The following PRDM6 variants were observed in gnomAD, a reference collection of about 807,000 sequenced individuals.
PRDM6 encodes putative histone-lysine N-methyltransferase PRDM6.
Under a neutral mutation model 60.8 loss-of-function variants are expected in PRDM6, and 25 were observed. The observed-to-expected ratio is 0.41, with a 90% CI of 0.30 to 0.57. PRDM6 has a LOEUF of 0.57. Ranked by LOEUF, PRDM6 falls within the 20% of genes least tolerant of loss-of-function variation. The pLI is 0.27. For missense variants in PRDM6, 839 were observed against 821.3 expected (o/e 1.02, Z -0.26); for synonymous variants, 407 against 357.4 (o/e 1.14, Z -1.57).
rs1256560397 is a variant in PRDM6 at position 123,187,831 on chromosome 5, CT to C, written c.*631del. The stretch of plus-strand genomic sequence containing the variant: ...CAGCCCGGTCTTGATGCAGGAGAGT[CT>C]GGAAAAGGAAGAAAATGGTTTCAGT... On this transcript the variant is annotated 3_prime_UTR_variant, in exon 8 of 8. Coordinates refer to ENST00000407847, the MANE Select transcript of PRDM6 (RefSeq NM_001136239.4). 1.3e-5 allele frequency: 2 copies of C among 152,242 alleles called. No homozygotes were observed. Among genetic ancestry groups the C allele is most frequent in the East Asian group, 3.9e-4 (2 of 5,180 alleles). The allele number at this position is 152,242 out of a possible 1,614,324, so 9.4% of individuals were successfully genotyped here.
At chr5:123,118,385 A>G (rs928095166) in intron 3 of PRDM6, among the ~76,000 whole-genome samples, 5 of 152,202 alleles carry the variant, frequency 3.3e-5, no homozygotes, top group African/African-American at 1.2e-4. Context: ...CTTGAAAACT[A>G]GGTAGAGAGT....
chr5:123,116,458 T>A (rs1235416765), intron 3 of PRDM6, among the ~76,000 whole-genome samples: 11 of 152,190 alleles, frequency 7.2e-5, no homozygotes, highest in Non-Finnish European at 1.5e-5. Context: ...AAGGTAATAT[T>A]AAACTAGTTT....
Position 123,099,623 on chromosome 5 carries a change from C to G in PRDM6, c.593-31C>G. ...CTCGGGGCGGCCGGATTAACCCGCT[C>G]CCTTCCCTTCCTCCTTCTTGTCTCC... On this transcript the variant is annotated intron_variant, in intron 2 of 7. Transcript: ENST00000407847. The surrounding 1 kb of genome is among the most constrained non-coding windows in gnomAD (Gnocchi z 4.0). 7.0e-7 allele frequency: 1 copy of G among 1,436,722 alleles called. No homozygotes were observed. Among genetic ancestry groups the G allele is most frequent in the Non-Finnish European group, 9.2e-7 (1 of 1,091,374 alleles). The allele number at this position is 1,436,722 out of a possible 1,614,324, so 89.0% of individuals were successfully genotyped here. A position where few individuals can be genotyped will look rare whatever the true frequency, so the allele number is the denominator to read the frequency against.
In PRDM6 at chr5:123,187,176, G is replaced by A. The variant is rs74354350; in HGVS notation, c.1763G>A (p.Ser588Asn). The change falls in exon 8 of 8, where the codon AGC (serine) becomes AAC (asparagine). Residue 588 changes from serine to asparagine, a missense_variant. By Grantham distance (46) the Ser-to-Asn change is conservative. Transcript: ENST00000407847. ...AATGAGTGCAAGCCAATAACTGAGA[G>A]CCCAGAATCAATCGAAGTGGATTAA... Reference protein sequence around the residue: ...MPNECKPITESPESIEVD With the variant: ...MPNECKPITENPESIEVD 426 of 1,551,316 alleles carry A rather than the reference G, an allele frequency of 2.7e-4. 3 individuals carry two copies. The East Asian group carries it at 8.4e-3, about 31-fold the overall frequency.
chr5:123,111,480 C>G (rs335187), intron 3 of PRDM6, among the ~76,000 whole-genome samples: 34,303 of 152,144 alleles, frequency 0.23, 4,325 homozygotes, highest in African/African-American at 0.32. Context: ...GGGCGGATCA[C>G]GAGGTCAGGA....
At chr5:123,155,203 A>C (rs532065402) in intron 3 of PRDM6, among the ~76,000 whole-genome samples, 1 of 152,008 alleles carries the variant, frequency 6.6e-6, no homozygotes, top group East Asian at 1.9e-4. Flanking sequence ...AACTCGGTTA[A>C]GAAATGTAGG....
At chr5:123,159,783 T>C in intron 5 of PRDM6, 145 bp downstream of exon 5, 1 of 811,444 alleles carries the variant, frequency 1.2e-6, no homozygotes, top group Non-Finnish European at 1.9e-6. Context: ...ATCGTTTTCT[T>C]TTCCCTGCAT....
At chr5:123,136,740 T>C (rs1458311040) in intron 3 of PRDM6, among the ~76,000 whole-genome samples, 1 of 152,216 alleles carries the variant, frequency 6.6e-6, no homozygotes, top group Non-Finnish European at 1.5e-5. Context: ...AAAGACTGCA[T>C]GTTTCAGTGT....
chr5:123,156,423 T>C (rs1302968109), intron 4 of PRDM6, among the ~76,000 whole-genome samples: 2 of 152,196 alleles, frequency 1.3e-5, no homozygotes, highest in African/African-American at 4.8e-5. Context: ...CTTTGAGGAA[T>C]AGCTTTATTT....
At chr5:123,141,885 T>C (rs1438871849) in intron 3 of PRDM6, among the ~76,000 whole-genome samples, 1 of 152,158 alleles carries the variant, frequency 6.6e-6, no homozygotes, top group Non-Finnish European at 1.5e-5. Context: ...ACAAATGACT[T>C]AAGTGTTTTG....
chr5:123,104,613 G>T (rs984043609), intron 3 of PRDM6, among the ~76,000 whole-genome samples: 5 of 151,992 alleles, frequency 3.3e-5, no homozygotes, highest in African/African-American at 1.2e-4. Flanking sequence ...CTGTCAGTTT[G>T]GTTTTGAATA....
At chr5:123,172,281 A>C (rs1236120344) in intron 6 of PRDM6, among the ~76,000 whole-genome samples, 1 of 152,184 alleles carries the variant, frequency 6.6e-6, no homozygotes, top group Non-Finnish European at 1.5e-5. Flanking sequence ...ACATGTGCAC[A>C]TTACACATGC....
intron 3 of PRDM6, among the ~76,000 whole-genome samples, chr5:123,153,738 T>G (rs568510466): frequency 7.2e-5 from 11 of 152,244 alleles, no homozygotes; most frequent in African/African-American, 2.6e-4. Flanking sequence ...GGGGAAACAC[T>G]TTTCATACTA....
intron 3 of PRDM6, among the ~76,000 whole-genome samples, chr5:123,118,152 C>A (rs1220539818): frequency 6.6e-6 from 1 of 152,168 alleles, no homozygotes; most frequent in African/African-American, 2.4e-5. Context: ...CTCAAGCCTC[C>A]TCTGGATGTT....
Position 123,180,544 on chromosome 5 carries a change from T to C in PRDM6, c.1673+221T>C, listed in dbSNP as rs575996240. On this transcript the variant is annotated intron_variant, in intron 7 of 7. Transcript: ENST00000407847. ...TCCTAGCTCAAGTTGCCAACCTTGG[T>C]CGTGAGACAAATCTTCTGGGTCTGT... 2.6e-5 allele frequency among the ~76,000 whole-genome samples: 4 copies of C among 152,322 alleles called. No homozygotes were observed. The South Asian group carries it at 8.3e-4, about 32-fold the overall frequency.
rs953559082 is a variant in PRDM6, at chr5:123,192,983, G to A, written c.*5782G>A. ...TGAGGTACTCAAGGAACCAGTTCAA[G>A]TTCTGGGGCACAATCTAGATGAAAC... On this transcript the variant is annotated 3_prime_UTR_variant, in exon 8 of 8. Coordinates refer to ENST00000407847, the MANE Select transcript of PRDM6 (RefSeq NM_001136239.4). 3.3e-5 allele frequency: 5 copies of A among 152,180 alleles called. No homozygotes were observed. Among genetic ancestry groups the A allele is most frequent in the Admixed American group, 2.6e-4 (4 of 15,274 alleles). 9.4% of individuals were successfully genotyped at this position (152,180 alleles called of 1,614,324 possible).
At chr5:123,093,152 A>G (rs557042964) in intron 2 of PRDM6, among the ~76,000 whole-genome samples, 5 of 152,274 alleles carry the variant, frequency 3.3e-5, no homozygotes, top group African/African-American at 1.2e-4. Flanking sequence ...ATCTCCCTCT[A>G]AAAGAATTCT....
At chr5:123,150,337 T>TAAAC (rs1765345950) in intron 3 of PRDM6, among the ~76,000 whole-genome samples, 2 of 152,302 alleles carry the variant, frequency 1.3e-5, no homozygotes, top group South Asian at 4.1e-4. Context: ...CACCCTATGG[T>TAAAC]CGCCCTTAAC....
intron 3 of PRDM6, among the ~76,000 whole-genome samples, chr5:123,142,262 GA>G (rs1398176181): frequency 6.6e-6 from 1 of 151,176 alleles, no homozygotes; most frequent in East Asian, 1.9e-4. Context: ...TAGGGTCATG[GA>G]AATGGGCTGG....
Sources: gnomAD v4.1 joint callset for allele counts (sites outside exome capture counted in the v4.1 genomes callset) on GRCh38, gnomAD v4.1.1 for gene constraint, Gnocchi (gnomAD v3.1) non-coding constraint, MANE v1.5 for transcripts, NCBI Gene and HGNC (gene_info 2026-07-23, HGNC 2026-07-21) for gene names.